Variants in YARS2 observed in about 807,000 individuals in gnomAD.
YARS2 encodes the protein tyrosyl-tRNA synthetase 2.
YARS2 carries 38 observed loss-of-function variants against 45.0 expected under a neutral mutation model. That is an observed-to-expected ratio of 0.84 (90% CI 0.65 to 1.11). The LOEUF (loss-of-function observed/expected upper bound fraction) is 1.11. YARS2 is among the 50% of genes least tolerant of loss of function. The pLI, the probability that YARS2 is intolerant of heterozygous loss-of-function variation, is 0.00. For missense variants in YARS2, 602 were observed against 599.8 expected (o/e 1.00, Z -0.04); for synonymous variants, 287 against 245.1 (o/e 1.17, Z -1.60).
intron 4 of YARS2, among the ~76,000 whole-genome samples, chr12:32,748,232 T>C (rs1160246784): frequency 1.3e-5 from 2 of 152,012 alleles, no homozygotes; most frequent in Admixed American, 1.3e-4. Flanking sequence ...GATCTTGAAC[T>C]CCTGGCCCCA....
rs1955795374 is a variant in YARS2 at position 32,753,933 on chromosome 12, T to A, written c.932A>T (p.Asp311Val). 3.7e-6 allele frequency: 6 copies of A among 1,614,224 alleles called. No homozygotes were observed. Among genetic ancestry groups the A allele is most frequent in the Non-Finnish European group, 4.2e-6 (5 of 1,180,048 alleles). Residue 311 changes from aspartate to valine, a missense_variant, in exon 2 of 5, where the codon GAC becomes GTC. By Grantham distance (152) the Asp-to-Val change is radical. Coordinates refer to ENST00000324868, the MANE Select transcript of YARS2 (RefSeq NM_001040436.3). ...CAGAACTCACCTTTCCACTGAATCG[T>A]CCGGTTGCCTGACAAAGAATTGATA... ...ELYQFFVRQP[D>V]DSVERYLKLF...
Position 32,755,487 on chromosome 12 carries a change from C to A in YARS2, c.388G>T (p.Glu130Ter). Reference protein sequence around the residue: ...GDPSGRTKEREALETERVRAN... With the variant: ...GDPSGRTKER The stretch of plus-strand genomic sequence containing the variant: ...CGCACGCGCTCTGTCTCCAGCGCCT[C>A]GCGTTCCTTGGTACGGCCGCTCGGG... The change falls in exon 1 of 5, where the codon GAG becomes TAG. Residue 130 changes from glutamate to a stop codon, truncating the protein, a stop_gained. Coordinates refer to ENST00000324868, the MANE Select transcript of YARS2 (RefSeq NM_001040436.3). LOFTEE classifies it high-confidence loss of function. The A allele has an allele frequency of 6.2e-7, 1 of 1,612,294 alleles. No homozygotes were observed. Among genetic ancestry groups the A allele is most frequent in the Admixed American group, 1.7e-5 (1 of 59,746 alleles).
intron 2 of YARS2, among the ~76,000 whole-genome samples, chr12:32,752,306 T>TC (rs1305801217): frequency 6.6e-6 from 1 of 152,100 alleles, no homozygotes; most frequent in African/African-American, 2.4e-5. Context: ...ATCACCATGG[T>TC]CAAGAAATAC....
At chr12:32,753,792 G>C in intron 2 of YARS2, 126 bp downstream of exon 2, 1 of 1,238,830 alleles carries the variant, frequency 8.1e-7, no homozygotes, top group East Asian at 2.3e-5. Flanking sequence ...ATGATGTAAT[G>C]GTTTATGTAC....
At position 32,750,109 on chromosome 12, in the gene YARS2, T is replaced by A; in HGVS notation, c.1104-2A>T. 6.2e-7 allele frequency: 1 copy of A among 1,613,978 alleles called. No homozygotes were observed. Among genetic ancestry groups the A allele is most frequent in the South Asian group, 1.1e-5 (1 of 91,072 alleles). ...CTGTGATAAAGGGCTTGTGTACACC[T>A]GAAAAACACATTTTAAGAGCTACAT... On this transcript the variant is annotated splice_acceptor_variant, in intron 3 of 4. Coordinates refer to ENST00000324868, the MANE Select transcript of YARS2 (RefSeq NM_001040436.3). LOFTEE classifies it high-confidence loss of function.
Position 32,747,296 on chromosome 12 carries a change from A to G in YARS2, c.1342T>C (p.Leu448=). The change falls in exon 5 of 5, where the codon TTA becomes CTA. Residue 448 remains leucine (L), a synonymous_variant. Coordinates refer to ENST00000324868, the MANE Select transcript of YARS2 (RefSeq NM_001040436.3). ...TTGAGAATATGTTGTCCAACAATTA[A>G]AACACTCTCAGGATTTGTTACTTGT... ...HQQVTNPESV[L]IVGQHILKNG... The G allele has an allele frequency of 6.2e-7, 1 of 1,614,110 alleles. No homozygotes were observed. Among genetic ancestry groups the G allele is most frequent in the Non-Finnish European group, 8.5e-7 (1 of 1,179,988 alleles).
intron 2 of YARS2, among the ~76,000 whole-genome samples, chr12:32,751,311 T>C (rs2137653854): frequency 6.6e-6 from 1 of 152,166 alleles, no homozygotes; most frequent in East Asian, 1.9e-4. Flanking sequence ...CAAGTGATCC[T>C]CTTGTCTCAG....
chr12:32,753,834 A>G (rs1955793399), intron 2 of YARS2, 84 bp downstream of exon 2: 1 of 1,566,084 alleles, frequency 6.4e-7, no homozygotes, highest in Non-Finnish European at 8.8e-7. Context: ...CAAAAAAACT[A>G]TAAAATGTAC....
intron 2 of YARS2, chr12:32,752,830 T>G (rs1439702916): frequency 3.4e-6 from 1 of 290,078 alleles, no homozygotes. Flanking sequence ...GGACTAAATC[T>G]AAAGAGAAAA....
chr12:32,748,448 T>C (rs1396653296), intron 4 of YARS2, among the ~76,000 whole-genome samples: 1 of 152,086 alleles, frequency 6.6e-6, no homozygotes, highest in African/African-American at 2.4e-5. Flanking sequence ...ACCAAACCTA[T>C]TTAGCTTATA....
At position 32,754,037 on chromosome 12, in the gene YARS2, A is replaced by G. The variant is rs965085898; in HGVS notation, c.828T>C (p.Ser276=). ...ACTTTCCCAGCTTTGCTCCAGTTGTACTTGTAATTAGAGGAACGGTGATTC... is the reference window on the plus strand; with the variant it reads ...ACTTTCCCAGCTTTGCTCCAGTTGTGCTTGTAATTAGAGGAACGGTGATTC... The part of the protein sequence containing the change: ...VFGITVPLIT[S]TTGAKLGKSA... The change falls in exon 2 of 5, where the codon AGT becomes AGC. Residue 276 remains serine (S), a synonymous_variant. Coordinates refer to ENST00000324868, the MANE Select transcript of YARS2 (RefSeq NM_001040436.3). The G allele has an allele frequency of 6.2e-7, 1 of 1,614,164 alleles. No individual in the cohort carries two copies. Among genetic ancestry groups the G allele is most frequent in the Non-Finnish European group, 8.5e-7 (1 of 1,180,024 alleles).
rs376452533 is a variant in YARS2 at position 32,755,756 on chromosome 12, G to A, written c.119C>T (p.Ala40Val). 2.5e-6 allele frequency: 4 copies of A among 1,614,006 alleles called. No homozygotes were observed. The highest frequency in any genetic ancestry group is 3.4e-6 in the Non-Finnish European group (4 of 1,180,006). Reference sequence around the variant, plus strand: ...GAACAGACCTCGAGCCTTCTGCGCTGCCAGTAACCCCTGAGCGCCCGAGTG... The same window carrying A: ...GAACAGACCTCGAGCCTTCTGCGCTACCAGTAACCCCTGAGCGCCCGAGTG... ...KAHSGAQGLLAAQKARGLFKD... is the reference protein window; with the variant it reads ...KAHSGAQGLLVAQKARGLFKD... Residue 40 changes from alanine to valine, a missense_variant, in exon 1 of 5, where the codon GCA becomes GTA. Physicochemically the swap from Ala to Val is moderately conservative, Grantham distance 64. Transcript: ENST00000324868.
At chr12:32,751,413 C>T (rs548965538) in intron 2 of YARS2, among the ~76,000 whole-genome samples, 10 of 151,964 alleles carry the variant, frequency 6.6e-5, no homozygotes, top group Admixed American at 1.3e-4. Context: ...AGATGAAGGC[C>T]GCAGTCCAAT....
chr12:32,748,908 C>T (rs1365437795), intron 4 of YARS2, among the ~76,000 whole-genome samples: 1 of 152,224 alleles, frequency 6.6e-6, no homozygotes, highest in Non-Finnish European at 1.5e-5. Context: ...GGTCTTCTGG[C>T]TACCCAACAC....
chr12:32,755,308 C>A lies in YARS2; in HGVS notation c.567G>T (p.Val189=). 1.2e-6 allele frequency: 2 copies of A among 1,614,160 alleles called. No individual in the cohort carries two copies. Among genetic ancestry groups the A allele is most frequent in the South Asian group, 2.2e-5 (2 of 91,078 alleles). Residue 189 remains valine, a synonymous_variant, in exon 1 of 5, where the codon GTG becomes GTT. Coordinates refer to ENST00000324868, the MANE Select transcript of YARS2 (RefSeq NM_001040436.3). ...KQHLVDFLAA[V]GGHFRMGTLL... The stretch of plus-strand genomic sequence containing the variant: ...GCGTCCCCATGCGGAAGTGACCCCC[C>A]ACTGCCGCCAGGAAGTCCACCAGGT...
At chr12:32,749,870 C>T in intron 4 of YARS2, 67 bp downstream of exon 4, 1 of 1,594,332 alleles carries the variant, frequency 6.3e-7, no homozygotes, top group African/African-American at 1.3e-5. Context: ...AGCCACTTCT[C>T]CTGGCCTTGT....
At position 32,747,170 on chromosome 12, in the gene YARS2, G is replaced by A; in HGVS notation, c.*34C>T. The A allele has an allele frequency of 1.2e-6, 2 of 1,609,518 alleles. No individual in the cohort carries two copies. The highest frequency in any genetic ancestry group is 1.1e-5 in the South Asian group (1 of 90,760). On this transcript the variant is annotated 3_prime_UTR_variant, in exon 5 of 5. Coordinates refer to ENST00000324868, the MANE Select transcript of YARS2 (RefSeq NM_001040436.3). ...CAGAGGTCTTGAGAATGAATGATGG[G>A]TAAGTTTATTTGGACAACCAGAAGG...
chr12:32,755,880 T>G lies in YARS2; in HGVS notation c.-6A>C. 1.9e-6 allele frequency: 3 copies of G among 1,612,934 alleles called. No homozygotes were observed. The highest frequency in any genetic ancestry group is 8.5e-7 in the Non-Finnish European group (1 of 1,179,988). Reference sequence around the variant, plus strand: ...CGCAAGATGGGCGCCGCCATCTTGGTAGCGGCACGAAGGGAATGCTGGGAT... The same window carrying G: ...CGCAAGATGGGCGCCGCCATCTTGGGAGCGGCACGAAGGGAATGCTGGGAT... On this transcript the variant is annotated 5_prime_UTR_variant, in exon 1 of 5. Transcript: ENST00000324868.
At chr12:32,747,617 A>G (rs552266791) in intron 4 of YARS2, among the ~76,000 whole-genome samples, 6 of 152,198 alleles carry the variant, frequency 3.9e-5, no homozygotes, top group African/African-American at 1.4e-4. Context: ...GCTCACTGCA[A>G]CCTCCGCCTC....
Sources: gnomAD v4.1 joint callset for allele counts (sites outside exome capture counted in the v4.1 genomes callset) on GRCh38, gnomAD v4.1.1 for gene constraint, MANE v1.5 for transcripts, NCBI Gene and HGNC (gene_info 2026-07-23, HGNC 2026-07-21) for gene names.